TANGO6: variants seen among roughly 807,000 people sequenced by gnomAD.
The protein encoded by TANGO6 is transport and Golgi organization protein 6 homolog.
TANGO6 carries 90 observed loss-of-function variants against 114.2 expected under a neutral mutation model. That is an observed-to-expected ratio of 0.79 (90% CI 0.66 to 0.94). The LOEUF is 0.94. TANGO6 is among the 40% of genes least tolerant of loss of function. The probability of loss-of-function intolerance (pLI) is 0.00; values close to 1 mark genes in which losing one functional copy is unlikely to be tolerated. For missense variants in TANGO6, 1,274 were observed against 1,315.3 expected (o/e 0.97, Z 0.49); for synonymous variants, 477 against 509.8 (o/e 0.94, Z 0.87).
intron 17 of TANGO6, among the ~76,000 whole-genome samples, chr16:69,062,954 G>A (rs909448897): frequency 2.6e-5 from 4 of 151,714 alleles, no homozygotes; most frequent in Non-Finnish European, 4.4e-5. Flanking sequence ...TTGGCTGGGC[G>A]CAGTGGCTCA....
intron 10 of TANGO6, 105 bp from the exon 11 acceptor site, chr16:68,909,106 T>A (rs1354315288): frequency 6.1e-6 from 6 of 988,536 alleles, no homozygotes; most frequent in African/African-American, 1.7e-5. Flanking sequence ...AAACACAGAC[T>A]ATTTATTTAA....
intron 16 of TANGO6, among the ~76,000 whole-genome samples, chr16:69,023,873 G>A (rs983772655): frequency 1.3e-5 from 2 of 152,122 alleles, no homozygotes; most frequent in African/African-American, 4.8e-5. Flanking sequence ...ACGTGTTGGG[G>A]CCAGAAGCTT....
chr16:68,899,801 A>C (rs551209758), intron 7 of TANGO6, among the ~76,000 whole-genome samples: 2 of 152,062 alleles, frequency 1.3e-5, no homozygotes, highest in South Asian at 4.2e-4. Context: ...GGGTCTTACT[A>C]TGTTGCCCAG....
intron 1 of TANGO6, among the ~76,000 whole-genome samples, chr16:68,847,999 CAAAAAAAA>C (rs1329686470): frequency 6.4e-5 from 4 of 62,324 alleles, no homozygotes; most frequent in African/African-American, 2.4e-4. Flanking sequence ...GACTCCATCA[CAAAAAAAA>C]AAAAAAAAAA....
chr16:68,870,623 A>G (rs1189465358), intron 4 of TANGO6, among the ~76,000 whole-genome samples: 1 of 152,132 alleles, frequency 6.6e-6, no homozygotes, highest in Non-Finnish European at 1.5e-5. Flanking sequence ...ATTTGTTGTT[A>G]TCTATTCATA....
intron 14 of TANGO6, among the ~76,000 whole-genome samples, chr16:68,965,894 T>C (rs1196638683): frequency 6.6e-6 from 1 of 152,114 alleles, no homozygotes; most frequent in Non-Finnish European, 1.5e-5. Context: ...TAATAACAAC[T>C]TTTTGAGATA....
intron 16 of TANGO6, among the ~76,000 whole-genome samples, chr16:69,030,969 T>G (rs1177886922): frequency 6.6e-6 from 1 of 151,816 alleles, no homozygotes; most frequent in Admixed American, 6.6e-5. Flanking sequence ...GGCAGGAGAA[T>G]TGCTTGAACC....
intron 16 of TANGO6, among the ~76,000 whole-genome samples, chr16:69,023,319 G>A (rs756527230): frequency 6.6e-6 from 1 of 152,032 alleles, no homozygotes; most frequent in Non-Finnish European, 1.5e-5. Context: ...AGCTGGGCGT[G>A]GTGGTACATG....
intron 15 of TANGO6, among the ~76,000 whole-genome samples, chr16:69,018,111 C>G (rs1055574218): frequency 1.3e-5 from 2 of 148,438 alleles, no homozygotes; most frequent in Non-Finnish European, 3.0e-5. Flanking sequence ...CCATGGTGAG[C>G]CACACCATGC....
At chr16:69,011,149 G>T (rs1964139313) in intron 15 of TANGO6, among the ~76,000 whole-genome samples, 2 of 152,138 alleles carry the variant, frequency 1.3e-5, no homozygotes, top group African/African-American at 4.8e-5. Flanking sequence ...GTACCTTAAT[G>T]TGCAGGATAA....
At chr16:69,018,773 G>C (rs2152226829) in intron 15 of TANGO6, among the ~76,000 whole-genome samples, 1 of 151,988 alleles carries the variant, frequency 6.6e-6, no homozygotes, top group South Asian at 2.1e-4. Flanking sequence ...ATATTAAAAA[G>C]AAAATTAGCC....
At chr16:69,030,887 T>TAA (rs138651362) in intron 16 of TANGO6, among the ~76,000 whole-genome samples, 8 of 145,112 alleles carry the variant, frequency 5.5e-5, no homozygotes, top group East Asian at 2.0e-4. Flanking sequence ...CCGTCTCTAC[T>TAA]AAAAAAAAAA....
intron 17 of TANGO6, among the ~76,000 whole-genome samples, chr16:69,049,861 A>C (rs1283316192): frequency 6.6e-6 from 1 of 151,938 alleles, no homozygotes; most frequent in Non-Finnish European, 1.5e-5. Context: ...GATTACAGGC[A>C]TGAGCCACCA....
At position 68,970,663 on chromosome 16, in the gene TANGO6, G is replaced by A. The variant is rs867082730; in HGVS notation, c.2702-3365G>A. Among the ~76,000 whole-genome samples, 82 of 64,944 alleles carry A rather than the reference G, an allele frequency of 1.3e-3. No homozygotes were observed. In the Middle Eastern group the frequency reaches 0.018, roughly 14 times the overall value. 42.6% of individuals were successfully genotyped at this position (64,944 alleles called of 152,430 possible). A position where few individuals can be genotyped will look rare whatever the true frequency, so the allele number is the denominator to read the frequency against. On this transcript the variant is annotated intron_variant, in intron 14 of 17. Transcript: ENST00000261778. The stretch of plus-strand genomic sequence containing the variant: ...GCCTGGGCAACAAGAACAAAACTTC[G>A]TCTCAAAAAAAAAAAAAAAAAAGAC...
At chr16:68,979,506 A>C (rs1177043783) in intron 15 of TANGO6, among the ~76,000 whole-genome samples, 1 of 152,182 alleles carries the variant, frequency 6.6e-6, no homozygotes, top group Non-Finnish European at 1.5e-5. Flanking sequence ...CTGGGATTAC[A>C]GGCGTGAGCC....
At chr16:68,929,975 G>A (rs1035242096) in intron 13 of TANGO6, among the ~76,000 whole-genome samples, 3 of 152,180 alleles carry the variant, frequency 2.0e-5, no homozygotes, top group Non-Finnish European at 2.9e-5. Flanking sequence ...ATGGAAAAAT[G>A]TTGAGGATTG....
At chr16:68,914,303 A>C (rs1962969173) in intron 11 of TANGO6, among the ~76,000 whole-genome samples, 1 of 152,116 alleles carries the variant, frequency 6.6e-6, no homozygotes, top group Non-Finnish European at 1.5e-5. Context: ...CTGGGATTAC[A>C]GGTGCCTGCA....
At chr16:68,945,325 A>G (rs1256204471) in intron 14 of TANGO6, among the ~76,000 whole-genome samples, 1 of 152,186 alleles carries the variant, frequency 6.6e-6, no homozygotes, top group Non-Finnish European at 1.5e-5. Context: ...TTCAGTAGCT[A>G]AGATAAAACT....
At chr16:68,942,036 A>G (rs1963359769) in intron 14 of TANGO6, among the ~76,000 whole-genome samples, 1 of 151,984 alleles carries the variant, frequency 6.6e-6, no homozygotes, top group South Asian at 2.1e-4. Context: ...AAAGACTTTA[A>G]AAGTAATGTA....
Sources: allele counts gnomAD v4.1 joint callset (sites outside exome capture counted in the v4.1 genomes callset), GRCh38; gene constraint gnomAD v4.1.1; transcripts MANE v1.5; gene names NCBI Gene and HGNC (gene_info 2026-07-23, HGNC 2026-07-21).